The following DOK5 variants were observed in gnomAD, a reference collection of about 807,000 sequenced individuals.
DOK5 encodes the protein downstream of tyrosine kinase 5.
In DOK5, 27 loss-of-function variants were observed where a neutral mutation model predicts 43.3. The ratio of observed to expected loss-of-function variants is 0.62; its 90% CI spans 0.46 to 0.86. The LOEUF is 0.86. Ranked by LOEUF, DOK5 falls within the 40% of genes least tolerant of loss-of-function variation. The pLI is 0.00. For missense variants in DOK5, 373 were observed against 392.9 expected (o/e 0.95, Z 0.43); for synonymous variants, 146 against 140.1 (o/e 1.04, Z -0.30).
chr20:54,500,702 C>T (rs372886133), intron 1 of DOK5, among the ~76,000 whole-genome samples: 53 of 151,768 alleles, frequency 3.5e-4, no homozygotes, highest in African/African-American at 1.2e-3. Context: ...GCTGGGATTA[C>T]GGGCATGTGC....
intron 1 of DOK5, among the ~76,000 whole-genome samples, chr20:54,526,037 C>G (rs1311053680): frequency 6.6e-6 from 1 of 152,194 alleles, no homozygotes; most frequent in Non-Finnish European, 1.5e-5. Context: ...ACCACTTTCC[C>G]TCACTAAGTT....
chr20:54,611,330 G>T (rs1234092089), intron 6 of DOK5, among the ~76,000 whole-genome samples: 1 of 152,140 alleles, frequency 6.6e-6, no homozygotes, highest in Admixed American at 6.5e-5. Flanking sequence ...ATCAGGCTGA[G>T]GCAGACTGAT....
At chr20:54,591,296 T>A (rs908203923) in intron 4 of DOK5, among the ~76,000 whole-genome samples, 4 of 152,198 alleles carry the variant, frequency 2.6e-5, no homozygotes, top group Non-Finnish European at 5.9e-5. Flanking sequence ...TTGCTTTTAA[T>A]GGTTGTATTG....
chr20:54,605,333 G>A (rs1986438883), intron 5 of DOK5, among the ~76,000 whole-genome samples: 2 of 152,298 alleles, frequency 1.3e-5, no homozygotes, highest in South Asian at 2.1e-4. Context: ...AATGTTATGG[G>A]CAAAACGAGA....
chr20:54,605,606 C>T lies in DOK5; in HGVS notation c.600-4782C>T, dbSNP rs146462453. The stretch of plus-strand genomic sequence containing the variant: ...CTGCCTTCTTTCTCAAACCACTCCC[C>T]TCCCCAGGGTAACTCAATGAATTCT... On this transcript the variant is annotated intron_variant, in intron 5 of 7. Transcript: ENST00000262593. Among the ~76,000 whole-genome samples, 204 of 152,378 alleles carry T rather than the reference C, an allele frequency of 1.3e-3. 1 individual carries two copies. Among genetic ancestry groups the T allele is most frequent in the Non-Finnish European group, 2.0e-3 (136 of 68,032 alleles).
chr20:54,481,021 TATC>T lies in DOK5; in HGVS notation c.66+5013_66+5015del, dbSNP rs79279444. On this transcript the variant is annotated intron_variant, in intron 1 of 7. Coordinates refer to ENST00000262593, the MANE Select transcript of DOK5 (RefSeq NM_018431.5). ...ATCTATCATCTATCATCTATCTATC[TATC>T]ATCTATCTATCATCTATCTATCATC... 1.6e-3 allele frequency among the ~76,000 whole-genome samples: 200 copies of T among 122,088 alleles called. 2 individuals carry two copies. Among genetic ancestry groups the T allele is most frequent in the African/African-American group, 6.3e-3 (151 of 24,034 alleles). The allele number at this position is 122,088 out of a possible 152,430, so 80.1% of individuals were successfully genotyped here.
intron 7 of DOK5, among the ~76,000 whole-genome samples, chr20:54,647,231 G>T (rs975641705): frequency 5.3e-5 from 8 of 152,170 alleles, no homozygotes; most frequent in African/African-American, 1.4e-4. Flanking sequence ...CTGTCTGGGC[G>T]TGGTGGCTCA....
chr20:54,502,002 A>G (rs570434551), intron 1 of DOK5, among the ~76,000 whole-genome samples: 1 of 152,320 alleles, frequency 6.6e-6, no homozygotes, highest in East Asian at 1.9e-4. Context: ...CTCTTTATCA[A>G]TTATATGCCA....
At chr20:54,595,295 C>G (rs6014077) in intron 5 of DOK5, among the ~76,000 whole-genome samples, 25,592 of 151,872 alleles carry the variant, frequency 0.17, 3,733 homozygotes, top group African/African-American at 0.39. Flanking sequence ...AGCTGAGATC[C>G]TGCCACTGCA....
At chr20:54,569,105 A>G (rs1037508239) in intron 2 of DOK5, among the ~76,000 whole-genome samples, 2 of 152,094 alleles carry the variant, frequency 1.3e-5, no homozygotes, top group African/African-American at 4.8e-5. Context: ...ACAGAAACAT[A>G]TTCTCACACA....
intron 5 of DOK5, among the ~76,000 whole-genome samples, chr20:54,607,164 C>G (rs1880760869): frequency 6.6e-6 from 1 of 152,186 alleles, no homozygotes; most frequent in African/African-American, 2.4e-5. Flanking sequence ...TCTAACCTGT[C>G]TAAACAATCA....
chr20:54,608,051 G>C (rs1366380299), intron 5 of DOK5, among the ~76,000 whole-genome samples: 1 of 152,158 alleles, frequency 6.6e-6, no homozygotes. Context: ...GCATGTTATA[G>C]ATTGATGATA....
intron 1 of DOK5, among the ~76,000 whole-genome samples, chr20:54,523,756 C>T (rs540668451): frequency 6.9e-6 from 1 of 144,294 alleles, no homozygotes; most frequent in East Asian, 2.0e-4. Context: ...CAGGTGTGCA[C>T]CACCACATTT....
chr20:54,629,573 A>C (rs933183777), intron 6 of DOK5, among the ~76,000 whole-genome samples: 3 of 152,224 alleles, frequency 2.0e-5, no homozygotes, highest in African/African-American at 7.2e-5. Context: ...TTCATTCTAC[A>C]CATATAAGTA....
chr20:54,529,714 A>T (rs1162471918), intron 1 of DOK5, among the ~76,000 whole-genome samples: 1 of 152,232 alleles, frequency 6.6e-6, no homozygotes, highest in Non-Finnish European at 1.5e-5. Context: ...CATTAACAGT[A>T]GTCACTTCTC....
intron 2 of DOK5, among the ~76,000 whole-genome samples, chr20:54,572,685 C>CT (rs377450732): frequency 4.6e-5 from 7 of 152,058 alleles, no homozygotes; most frequent in Admixed American, 6.5e-5. Flanking sequence ...AGGCAGCCCC[C>CT]TTTTTTTTGT....
Position 54,535,779 on chromosome 20 carries a change from A to G in DOK5, c.67-19154A>G, listed in dbSNP as rs553550721. On this transcript the variant is annotated intron_variant, in intron 1 of 7. Coordinates refer to ENST00000262593, the MANE Select transcript of DOK5 (RefSeq NM_018431.5). Reference sequence around the variant, plus strand: ...GGAAAAATGTGTGGAGCAATTGTTTAAAAGAATGTTTCTCTTAAAACAATG... The same window carrying G: ...GGAAAAATGTGTGGAGCAATTGTTTGAAAGAATGTTTCTCTTAAAACAATG... Among the ~76,000 whole-genome samples, 34 of 152,330 alleles carry G rather than the reference A, an allele frequency of 2.2e-4. 1 individual carries two copies. In the East Asian group the frequency reaches 3.9e-3, roughly 17 times the overall value.
At chr20:54,498,583 G>A (rs766405701) in intron 1 of DOK5, among the ~76,000 whole-genome samples, 2 of 152,186 alleles carry the variant, frequency 1.3e-5, no homozygotes, top group African/African-American at 2.4e-5. Context: ...GAAATAAAAT[G>A]TACCTTGATA....
intron 1 of DOK5, among the ~76,000 whole-genome samples, chr20:54,499,883 C>A (rs1029546538): frequency 3.0e-4 from 45 of 152,298 alleles, no homozygotes; most frequent in African/African-American, 1.1e-3. Context: ...GATTGCTCAC[C>A]TCGGAACAGG....
Sources: gnomAD v4.1 joint callset for allele counts (sites outside exome capture counted in the v4.1 genomes callset) on GRCh38, gnomAD v4.1.1 for gene constraint, MANE v1.5 for transcripts, NCBI Gene and HGNC (gene_info 2026-07-23, HGNC 2026-07-21) for gene names.